The following CORO2B variants were observed in gnomAD, a reference collection of about 807,000 sequenced individuals.
The protein encoded by CORO2B is coronin-2B.
Under a neutral mutation model 58.8 loss-of-function variants are expected in CORO2B, and 26 were observed. The observed-to-expected ratio is 0.44, with a 90% CI of 0.32 to 0.61. The LOEUF is 0.61. CORO2B is among the 20% of genes least tolerant of loss of function. The pLI is 0.04. For missense variants in CORO2B, 460 were observed against 645.1 expected, an observed-to-expected ratio of 0.71 and a Z score of 3.11; for synonymous variants, 242 against 253.8, an observed-to-expected ratio of 0.95 and a Z score of 0.44.
the CORO2B span, among the ~76,000 whole-genome samples, chr15:68,573,145 G>A: frequency 3.0e-4 from 45 of 152,272 alleles, no homozygotes; most frequent in Admixed American, 5.9e-4. Flanking sequence ...GGCTCCCTCA[G>A]TGATCACCCC....
At chr15:68,584,809 C>T (rs1030431445) in intron 1 of CORO2B, among the ~76,000 whole-genome samples, 1 of 152,202 alleles carries the variant, frequency 6.6e-6, no homozygotes, top group Non-Finnish European at 1.5e-5. Flanking sequence ...CACCCTGCAG[C>T]CTGGGGAGCT....
At position 68,714,050 on chromosome 15, in the gene CORO2B, C is replaced by T. The variant is rs756753941; in HGVS notation, c.765+9C>T. On this transcript the variant is annotated intron_variant, in intron 6 of 11. Coordinates refer to ENST00000261861, the MANE Select transcript of CORO2B (RefSeq NM_006091.5). ...TTGCCCTCTGGGACCAGGTCAGCCA[C>T]GGGGAGGCCTGCTGGGTTTGGGCTA... The T allele has an allele frequency of 7.0e-6, 11 of 1,582,062 alleles. No homozygotes were observed. The highest frequency in any genetic ancestry group is 4.5e-5 in the East Asian group (2 of 44,722).
rs564319953 is a variant in CORO2B at position 68,616,590 on chromosome 15, C to T, written c.16-28570C>T. The stretch of plus-strand genomic sequence containing the variant: ...GGGCCATTGTGCAAGTCTTCCAGGC[C>T]GCGGTCGAATGATTCTGACAAGCGG... On this transcript the variant is annotated intron_variant, in intron 1 of 11. Coordinates refer to ENST00000261861, the MANE Select transcript of CORO2B (RefSeq NM_006091.5). The T allele has an allele frequency of 3.3e-5, 33 of 985,310 alleles. No homozygotes were observed. In the African/African-American group the frequency reaches 3.7e-4, roughly 11 times the overall value. 61.0% of individuals were successfully genotyped at this position (985,310 alleles called of 1,614,324 possible).
chr15:68,594,963 C>T (rs1348007221), intron 1 of CORO2B, among the ~76,000 whole-genome samples: 1 of 152,270 alleles, frequency 6.6e-6, no homozygotes, highest in East Asian at 1.9e-4. Context: ...TGTTTTTTTC[C>T]AATTCTGAAA....
At chr15:68,708,614 G>A (rs1284703589) in intron 3 of CORO2B, among the ~76,000 whole-genome samples, 2 of 151,424 alleles carry the variant, frequency 1.3e-5, no homozygotes, top group African/African-American at 4.9e-5. Flanking sequence ...CGCCCACCTC[G>A]GCCTCCCAAA....
the CORO2B span, among the ~76,000 whole-genome samples, chr15:68,560,203 A>G: frequency 1.2e-4 from 18 of 152,006 alleles, no homozygotes; most frequent in Non-Finnish European, 2.6e-4. Flanking sequence ...TGTGCTCCCT[A>G]CAGCTGGTCT....
chr15:68,571,263 T>C, the CORO2B span, among the ~76,000 whole-genome samples: 2 of 152,296 alleles, frequency 1.3e-5, no homozygotes, highest in East Asian at 3.9e-4. Flanking sequence ...TACATGTAAA[T>C]ACAGATGCAA....
chr15:68,559,646 C>G, the CORO2B span: 8 of 985,250 alleles, frequency 8.1e-6, no homozygotes, highest in Non-Finnish European at 9.6e-6. This position sits in a 1 kb window ranked among gnomAD's most constrained non-coding sequence, Gnocchi z 4.3. Context: ...CTTTCCCTAA[C>G]CCTTTCCCTG....
At chr15:68,708,746 C>A (rs190028253) in intron 3 of CORO2B, among the ~76,000 whole-genome samples, 22 of 152,104 alleles carry the variant, frequency 1.4e-4, no homozygotes, top group Admixed American at 8.5e-4. Context: ...GTGGTACATT[C>A]ATAGCTCACT....
chr15:68,587,083 C>T (rs978362682), intron 1 of CORO2B, among the ~76,000 whole-genome samples: 1 of 137,792 alleles, frequency 7.3e-6, no homozygotes, highest in South Asian at 2.2e-4. Context: ...CACACACACA[C>T]ACACACACAC....
chr15:68,602,507 G>A lies in CORO2B; in HGVS notation c.15+23230G>A, dbSNP rs529216399. ...ATGGAAATTTTAGGTCACTAAGAGAGAGATGAGCAAAAAGCGCTCTTGCTG... is the reference window on the plus strand; with the variant it reads ...ATGGAAATTTTAGGTCACTAAGAGAAAGATGAGCAAAAAGCGCTCTTGCTG... On this transcript the variant is annotated intron_variant, in intron 1 of 11. Transcript: ENST00000261861. Among the ~76,000 whole-genome samples the A allele has an allele frequency of 3.9e-5, 6 of 152,190 alleles. No individual in the cohort carries two copies. The East Asian group carries it at 9.7e-4, about 25-fold the overall frequency.
At chr15:68,666,438 C>G (rs1286043550) in intron 2 of CORO2B, among the ~76,000 whole-genome samples, 1 of 152,240 alleles carries the variant, frequency 6.6e-6, no homozygotes. Context: ...CCCCAGTGTT[C>G]TGAACTCCAC....
chr15:68,603,408 G>C (rs1281088312), intron 1 of CORO2B, among the ~76,000 whole-genome samples: 1 of 152,154 alleles, frequency 6.6e-6, no homozygotes, highest in East Asian at 1.9e-4. Context: ...GCCTGAGACA[G>C]AGGAGCCTTC....
chr15:68,538,839 G>A, the CORO2B span, among the ~76,000 whole-genome samples: 1 of 152,130 alleles, frequency 6.6e-6, no homozygotes, highest in Non-Finnish European at 1.5e-5. Context: ...TAGCCTGTAG[G>A]TTCTCATGGA....
At chr15:68,665,306 T>G (rs1257807230) in intron 2 of CORO2B, among the ~76,000 whole-genome samples, 2 of 152,156 alleles carry the variant, frequency 1.3e-5, no homozygotes, top group African/African-American at 4.8e-5. Flanking sequence ...TTTGGGTTTA[T>G]TTTACAGACT....
intron 2 of CORO2B, among the ~76,000 whole-genome samples, chr15:68,681,391 C>A (rs146299759): frequency 6.8e-6 from 1 of 146,986 alleles, no homozygotes; most frequent in East Asian, 2.0e-4. Flanking sequence ...AGGGAGGGGG[C>A]CAGTGAGGAG....
At chr15:68,615,836 GC>G (rs1358101699) in intron 1 of CORO2B, among the ~76,000 whole-genome samples, 2 of 152,194 alleles carry the variant, frequency 1.3e-5, no homozygotes, top group African/African-American at 4.8e-5. Flanking sequence ...TTGTTCATAA[GC>G]CACTCAGTTT....
chr15:68,719,569 A>G lies in CORO2B; in HGVS notation c.1311+17A>G. 6.2e-7 allele frequency: 1 copy of G among 1,608,760 alleles called. No homozygotes were observed. The highest frequency in any genetic ancestry group is 8.5e-7 in the Non-Finnish European group (1 of 1,178,042). On this transcript the variant is annotated intron_variant, in intron 11 of 11. Transcript: ENST00000261861. The stretch of plus-strand genomic sequence containing the variant: ...GAGAATGAGGTAAGGAATGTAAGTT[A>G]TTACCTCCACAGGCCCTGGAAGAGC...
At chr15:68,695,044 C>A (rs1369140817) in intron 2 of CORO2B, 96 bp from the exon 3 acceptor site, 3 of 897,050 alleles carry the variant, frequency 3.3e-6, no homozygotes, top group South Asian at 1.4e-5. Flanking sequence ...ACCTTCCAGT[C>A]CAGTTGAGAG....
Sources: allele counts gnomAD v4.1 joint callset (sites outside exome capture counted in the v4.1 genomes callset), GRCh38; gene constraint gnomAD v4.1.1; non-coding constraint Gnocchi (gnomAD v3.1); transcripts MANE v1.5; gene names NCBI Gene and HGNC (gene_info 2026-07-23, HGNC 2026-07-21).